The following MARCHF11 variants were observed in gnomAD, a reference collection of about 807,000 sequenced individuals.
MARCHF11 encodes the protein E3 ubiquitin-protein ligase MARCHF11.
MARCHF11 carries 29 observed loss-of-function variants against 37.3 expected under a neutral mutation model. That is an observed-to-expected ratio of 0.78 (90% CI 0.58 to 1.06). The LOEUF (loss-of-function observed/expected upper bound fraction) is 1.06, where lower values mean the gene tolerates loss of function less well. Among genes scored for constraint, MARCHF11 ranks in the 50% least tolerant of loss-of-function variants. The pLI is 0.00. For missense variants in MARCHF11, 482 were observed against 533.4 expected, an observed-to-expected ratio of 0.90 and a Z score of 0.95; for synonymous variants, 233 against 228.0, an observed-to-expected ratio of 1.02 and a Z score of -0.20.
chr5:16,098,898 C>G (rs1010869286), intron 2 of MARCHF11, among the ~76,000 whole-genome samples: 2 of 151,950 alleles, frequency 1.3e-5, no homozygotes, highest in African/African-American at 4.8e-5. Context: ...TGACTTAAGA[C>G]TAATTTTTTA....
intron 2 of MARCHF11, among the ~76,000 whole-genome samples, chr5:16,099,838 T>A (rs1392045951): frequency 6.6e-6 from 1 of 152,164 alleles, no homozygotes; most frequent in Non-Finnish European, 1.5e-5. Flanking sequence ...ATCATTTCGT[T>A]CATTAAAATA....
At chr5:16,151,230 T>C (rs892057332) in intron 2 of MARCHF11, among the ~76,000 whole-genome samples, 1 of 152,060 alleles carries the variant, frequency 6.6e-6, no homozygotes, top group Non-Finnish European at 1.5e-5. Context: ...TAACCCATTG[T>C]ATTTGGCTGC....
At chr5:16,164,671 AT>A (rs1278862824) in intron 2 of MARCHF11, among the ~76,000 whole-genome samples, 11 of 152,110 alleles carry the variant, frequency 7.2e-5, no homozygotes, top group Admixed American at 5.9e-4. Context: ...AATAAATGAG[AT>A]AAAGGCTATA....
chr5:16,091,710 G>C (rs1736793231), intron 2 of MARCHF11, among the ~76,000 whole-genome samples: 1 of 152,116 alleles, frequency 6.6e-6, no homozygotes, highest in Non-Finnish European at 1.5e-5. Context: ...TCAAGATTTA[G>C]AATTTGTACC....
chr5:16,160,989 T>C (rs749537606), intron 2 of MARCHF11, among the ~76,000 whole-genome samples: 9 of 151,954 alleles, frequency 5.9e-5, no homozygotes, highest in Non-Finnish European at 8.8e-5. Context: ...TTAGGATGCT[T>C]GCTCCTGTAA....
In MARCHF11 at chr5:16,177,846, T is replaced by C. The variant is rs759770930; in HGVS notation, c.573A>G (p.Ser191=). 5.0e-6 allele frequency: 8 copies of C among 1,612,178 alleles called. No homozygotes were observed. Among genetic ancestry groups the C allele is most frequent in the Non-Finnish European group, 6.8e-6 (8 of 1,179,140 alleles). ...ELLNPCRCDG[S]VRYTHQLCLL... ...GGCACAGCTGATGTGTATACCGAAC[T>C]GACCCATCACATCGGCAGGGGTTCA... The change falls in exon 2 of 4, where the codon TCA becomes TCG. Residue 191 remains serine (S), a synonymous_variant. Coordinates refer to ENST00000332432, the MANE Select transcript of MARCHF11 (RefSeq NM_001102562.3).
chr5:16,135,019 C>CAT (rs1411901690), intron 2 of MARCHF11, among the ~76,000 whole-genome samples: 6 of 151,992 alleles, frequency 3.9e-5, no homozygotes, highest in Non-Finnish European at 8.8e-5. Flanking sequence ...CACACACACA[C>CAT]ACACACACAT....
At chr5:16,094,614 ATAGT>A (rs1736836565) in intron 2 of MARCHF11, among the ~76,000 whole-genome samples, 3 of 152,092 alleles carry the variant, frequency 2.0e-5, no homozygotes, top group Admixed American at 2.0e-4. Context: ...TTGGCTCTAA[ATAGT>A]TGCTACTGCT....
At chr5:16,072,354 T>C (rs936514948) in intron 3 of MARCHF11, among the ~76,000 whole-genome samples, 1 of 152,150 alleles carries the variant, frequency 6.6e-6, no homozygotes, top group Non-Finnish European at 1.5e-5. Flanking sequence ...TGAACTCATA[T>C]GTTGAAGCCC....
Position 16,150,151 on chromosome 5 carries a change from C to T in MARCHF11, c.693+27575G>A, listed in dbSNP as rs1013582071. 9.4e-5 allele frequency among the ~76,000 whole-genome samples: 14 copies of T among 149,218 alleles called. 1 individual carries two copies. The highest frequency in any genetic ancestry group is 3.1e-4 in the African/African-American group (12 of 38,804). ...AAGTTATACAGTTTAGATTTATGCA[C>T]TTTATTCTCTGTGGGTCATTCCTTA... On this transcript the variant is annotated intron_variant, in intron 2 of 3. Coordinates refer to ENST00000332432, the MANE Select transcript of MARCHF11 (RefSeq NM_001102562.3).
In MARCHF11 at chr5:16,121,328, C is replaced by T. The variant is rs116808065; in HGVS notation, c.694-30247G>A. ...ATTTATTTATTCATTTTTAATATGC[C>T]TTGCCCATTAGACTGTAAGTCTCAT... On this transcript the variant is annotated intron_variant, in intron 2 of 3. Coordinates refer to ENST00000332432, the MANE Select transcript of MARCHF11 (RefSeq NM_001102562.3). Among the ~76,000 whole-genome samples the T allele has an allele frequency of 4.5e-3, 683 of 152,304 alleles. 1 individual carries two copies. The highest frequency in any genetic ancestry group is 7.0e-3 in the Non-Finnish European group (474 of 68,030).
intron 3 of MARCHF11, among the ~76,000 whole-genome samples, chr5:16,074,624 A>G (rs1456525503): frequency 2.0e-5 from 3 of 152,192 alleles, no homozygotes; most frequent in African/African-American, 7.2e-5. Context: ...TGGCACGTTG[A>G]TCATCACAGC....
At chr5:16,075,244 T>C (rs1185479094) in intron 3 of MARCHF11, among the ~76,000 whole-genome samples, 1 of 152,216 alleles carries the variant, frequency 6.6e-6, no homozygotes, top group East Asian at 1.9e-4. Flanking sequence ...TCTGTCTTCT[T>C]GGCAAACCTG....
intron 2 of MARCHF11, among the ~76,000 whole-genome samples, chr5:16,156,070 T>G (rs1423996431): frequency 1.3e-5 from 2 of 151,996 alleles, no homozygotes; most frequent in Non-Finnish European, 2.9e-5. Flanking sequence ...CAGTTTGCTA[T>G]GCTATCAAGT....
At chr5:16,161,094 G>T (rs968117881) in intron 2 of MARCHF11, among the ~76,000 whole-genome samples, 3 of 151,836 alleles carry the variant, frequency 2.0e-5, no homozygotes, top group Non-Finnish European at 4.4e-5. Flanking sequence ...GTGCAGGTTT[G>T]TTACATATGT....
intron 3 of MARCHF11, among the ~76,000 whole-genome samples, chr5:16,071,895 C>G (rs375536091): frequency 6.6e-6 from 1 of 152,154 alleles, no homozygotes; most frequent in Non-Finnish European, 1.5e-5. Context: ...TTTACACGCA[C>G]AATTTTCATT....
At chr5:16,143,658 T>C (rs1300699337) in intron 2 of MARCHF11, among the ~76,000 whole-genome samples, 1 of 152,262 alleles carries the variant, frequency 6.6e-6, no homozygotes, top group East Asian at 1.9e-4. Context: ...TCCTCAACTC[T>C]GATTCTGTCT....
At chr5:16,174,046 A>G (rs1738316025) in intron 2 of MARCHF11, among the ~76,000 whole-genome samples, 1 of 152,248 alleles carries the variant, frequency 6.6e-6, no homozygotes, top group Admixed American at 6.5e-5. Context: ...ACTTTATCCC[A>G]TAAATGTTAT....
At chr5:16,102,574 G>A (rs1291359588) in intron 2 of MARCHF11, among the ~76,000 whole-genome samples, 2 of 152,144 alleles carry the variant, frequency 1.3e-5, no homozygotes, top group Non-Finnish European at 2.9e-5. Context: ...GGAGAGTTCA[G>A]CCACTGATAG....
Sources: gnomAD v4.1 joint callset for allele counts (sites outside exome capture counted in the v4.1 genomes callset) on GRCh38, gnomAD v4.1.1 for gene constraint, MANE v1.5 for transcripts, NCBI Gene and HGNC (gene_info 2026-07-23, HGNC 2026-07-21) for gene names.